The following STYX variants were observed in gnomAD, a reference collection of about 807,000 sequenced individuals.
STYX encodes serine/threonine/tyrosine interacting protein.
STYX carries 20 observed loss-of-function variants against 42.7 expected under a neutral mutation model. The observed-to-expected ratio is 0.47, with a 90% CI of 0.33 to 0.68. The LOEUF is 0.68. Among genes scored for constraint, STYX ranks in the 30% least tolerant of loss-of-function variants. The pLI is 0.02. For missense variants in STYX, 226 were observed against 268.5 expected (o/e 0.84, Z 1.11); for synonymous variants, 78 against 81.9 (o/e 0.95, Z 0.26).
intron 9 of STYX, among the ~76,000 whole-genome samples, chr14:52,763,137 C>T (rs955347599): frequency 6.6e-6 from 1 of 151,972 alleles, no homozygotes. Context: ...TGGTGATCCG[C>T]CCGCCTCGGC....
intron 9 of STYX, among the ~76,000 whole-genome samples, chr14:52,766,566 A>T (rs777313565): frequency 2.6e-5 from 4 of 152,048 alleles, no homozygotes; most frequent in Non-Finnish European, 5.9e-5. Flanking sequence ...CCTTGGCCTC[A>T]CAAGGTGCTG....
chr14:52,737,037 C>A (rs1343786167), intron 1 of STYX, among the ~76,000 whole-genome samples: 1 of 152,126 alleles, frequency 6.6e-6, no homozygotes, highest in Non-Finnish European at 1.5e-5. Context: ...GTCTAGTATT[C>A]TGATGTTTTT....
intron 9 of STYX, among the ~76,000 whole-genome samples, chr14:52,760,991 T>C (rs1882069970): frequency 6.6e-6 from 1 of 152,160 alleles, no homozygotes; most frequent in East Asian, 1.9e-4. Flanking sequence ...AACATTCTTT[T>C]TTAAAATTAA....
Position 52,750,776 on chromosome 14 carries a change from T to C in STYX, c.238T>C (p.Phe80Leu), listed in dbSNP as rs1217803682. ...NFIKPNFQQL[F>L]RYLVLDIADN... ...TATTAAACCAAACTTTCAGCAGTTA[T>C]TTAGGTAAGAATTATTGCTATGATT... The change falls in exon 4 of 11, where the codon TTT becomes CTT. Residue 80 changes from phenylalanine to leucine, a missense_variant. By Grantham distance (22) the Phe-to-Leu change is conservative. Transcript: ENST00000354586. 1.3e-6 allele frequency: 2 copies of C among 1,556,048 alleles called. No individual in the cohort carries two copies. Among genetic ancestry groups the C allele is most frequent in the Non-Finnish European group, 1.8e-6 (2 of 1,142,302 alleles).
chr14:52,754,056 A>AT (rs1222286002), intron 4 of STYX, among the ~76,000 whole-genome samples: 1 of 150,420 alleles, frequency 6.6e-6, no homozygotes, highest in Non-Finnish European at 1.5e-5. Flanking sequence ...CGCCTGGCTA[A>AT]TTTTTGTATT....
Position 52,730,409 on chromosome 14 carries a change from CA to C in STYX, c.-65del. The C allele has an allele frequency of 1.3e-6, 2 of 1,573,124 alleles. No individual in the cohort carries two copies. Among genetic ancestry groups the C allele is most frequent in the Non-Finnish European group, 1.7e-6 (2 of 1,152,710 alleles). On this transcript the variant is annotated 5_prime_UTR_variant, in exon 1 of 11. Coordinates refer to ENST00000354586, the MANE Select transcript of STYX (RefSeq NM_145251.4). ...CCCTCCTTCCTTCCGCCGCCGCAGC[CA>C]GCCCGAGGGTCGGCCGGCTGTGTAA...
chr14:52,757,408 A>G, intron 6 of STYX, 53 bp downstream of exon 6: 1 of 1,488,290 alleles, frequency 6.7e-7, no homozygotes, highest in Non-Finnish European at 9.3e-7. Flanking sequence ...TTATTTGTTA[A>G]TTTTTTAGTT....
chr14:52,757,245 C>CA (rs1881908976), intron 5 of STYX, 74 bp from the exon 6 acceptor site: 1 of 1,193,176 alleles, frequency 8.4e-7, no homozygotes, highest in Non-Finnish European at 1.2e-6. Flanking sequence ...AAATTGTTTT[C>CA]AATAGGTTTC....
rs1031428495 is a variant in STYX, at chr14:52,770,557, C to T, written c.599-476C>T. Among the ~76,000 whole-genome samples the T allele has an allele frequency of 3.3e-5, 5 of 152,028 alleles. No homozygotes were observed. In the East Asian group the frequency reaches 9.6e-4, roughly 29 times the overall value. On this transcript the variant is annotated intron_variant, in intron 10 of 10. Coordinates refer to ENST00000354586, the MANE Select transcript of STYX (RefSeq NM_145251.4). Reference sequence around the variant, plus strand: ...TTATATGCTACATGCCTTCCTTTCTCCCAACCTAGACTTCGATAGCTTGAG... The same window carrying T: ...TTATATGCTACATGCCTTCCTTTCTTCCAACCTAGACTTCGATAGCTTGAG...
At chr14:52,747,665 G>T (rs1881441591) in intron 3 of STYX, among the ~76,000 whole-genome samples, 3 of 152,162 alleles carry the variant, frequency 2.0e-5, no homozygotes, top group African/African-American at 4.8e-5. Flanking sequence ...TTACATTTTT[G>T]AAATTCCCAC....
intron 1 of STYX, among the ~76,000 whole-genome samples, chr14:52,743,085 C>T (rs560069958): frequency 1.0e-3 from 155 of 151,894 alleles, no homozygotes; most frequent in Non-Finnish European, 5.4e-4. Context: ...TGTGAGCCAC[C>T]GCGCCCGGCT....
intron 9 of STYX, among the ~76,000 whole-genome samples, chr14:52,760,971 A>G (rs1477696615): frequency 6.6e-6 from 1 of 152,198 alleles, no homozygotes; most frequent in Non-Finnish European, 1.5e-5. Context: ...CTTGTTTTCA[A>G]ATGTGTAAAA....
At chr14:52,760,875 T>C (rs1882066251) in intron 9 of STYX, among the ~76,000 whole-genome samples, 1 of 152,190 alleles carries the variant, frequency 6.6e-6, no homozygotes, top group Non-Finnish European at 1.5e-5. Context: ...GCATGCAATG[T>C]GTAATAATCA....
intron 9 of STYX, among the ~76,000 whole-genome samples, chr14:52,768,363 A>G (rs1373385156): frequency 6.6e-6 from 1 of 152,066 alleles, no homozygotes; most frequent in East Asian, 1.9e-4. Context: ...CACTATCCTG[A>G]CGTAGCTGGT....
rs1379052423 is a variant in STYX at position 52,750,709 on chromosome 14, A to G, written c.171A>G (p.Ile57Met). ...SKLPVLQKHG[I>M]THIICIRQNI... ...TACCTGTACTACAGAAACATGGAAT[A>G]ACCCATATAATATGCATACGACAAA... Residue 57 changes from isoleucine (I) to methionine (M), a missense_variant, in exon 4 of 11, where the codon ATA (isoleucine) becomes ATG (methionine). Physicochemically the swap from Ile to Met is conservative, Grantham distance 10. Coordinates refer to ENST00000354586, the MANE Select transcript of STYX (RefSeq NM_145251.4). The G allele has an allele frequency of 2.5e-6, 4 of 1,586,522 alleles. No individual in the cohort carries two copies. Among genetic ancestry groups the G allele is most frequent in the African/African-American group, 2.7e-5 (2 of 73,336 alleles).
intron 4 of STYX, among the ~76,000 whole-genome samples, chr14:52,752,872 TGTTG>T (rs1187925436): frequency 1.5e-5 from 2 of 133,588 alleles, no homozygotes; most frequent in African/African-American, 5.6e-5. Flanking sequence ...TGTTTTTTTT[TGTTG>T]TTGTTGTTTT....
chr14:52,760,142 G>A (rs1882032678), intron 9 of STYX, among the ~76,000 whole-genome samples: 1 of 152,112 alleles, frequency 6.6e-6, no homozygotes, highest in Non-Finnish European at 1.5e-5. Context: ...GGAGTTTGAG[G>A]CTACAGTGAA....
At position 52,741,837 on chromosome 14, in the gene STYX, T is replaced by TATTA. The variant is rs569397980; in HGVS notation, c.58-3015_58-3014insATTA. Among the ~76,000 whole-genome samples, 218 of 152,316 alleles carry TATTA rather than the reference T, an allele frequency of 1.4e-3. 1 individual carries two copies. The highest frequency in any genetic ancestry group is 5.0e-3 in the African/African-American group (207 of 41,574). ...GTCTGGTCATATTTTGATACTCTAA[T>TATTA]TTCTTTAAATTTTTTATATTTTTCG... On this transcript the variant is annotated intron_variant, in intron 1 of 10. Transcript: ENST00000354586.
chr14:52,748,012 A>G (rs1319848012), intron 3 of STYX, among the ~76,000 whole-genome samples: 1 of 152,170 alleles, frequency 6.6e-6, no homozygotes, highest in African/African-American at 2.4e-5. Flanking sequence ...AAAAACACGC[A>G]CAAAAAAAGG....
Sources: gnomAD v4.1 joint callset for allele counts (sites outside exome capture counted in the v4.1 genomes callset) on GRCh38, gnomAD v4.1.1 for gene constraint, MANE v1.5 for transcripts, NCBI Gene and HGNC (gene_info 2026-07-23, HGNC 2026-07-21) for gene names.